The following TRRAP variants were observed in gnomAD, a reference collection of about 807,000 sequenced individuals.
The protein encoded by TRRAP is transformation/transcription domain-associated protein.
Under a neutral mutation model 438.8 loss-of-function variants are expected in TRRAP, and 41 were observed. That is an observed-to-expected ratio of 0.09 (90% CI 0.07 to 0.12). The LOEUF is 0.12. Ranked by LOEUF, TRRAP falls within the 10% of genes least tolerant of loss-of-function variation. The pLI, the probability that TRRAP is intolerant of heterozygous loss-of-function variation, is 1.00. For missense variants in TRRAP, 3,122 were observed against 5,055.1 expected, an observed-to-expected ratio of 0.62 and a Z score of 11.60; for synonymous variants, 1,994 against 1,962.9, an observed-to-expected ratio of 1.02 and a Z score of -0.42.
At chr7:98,907,378 T>G (rs1380259657) in intron 13 of TRRAP, among the ~76,000 whole-genome samples, 1 of 152,222 alleles carries the variant, frequency 6.6e-6, no homozygotes, top group Non-Finnish European at 1.5e-5. Flanking sequence ...AAATTAACAT[T>G]TAATCATCTT....
chr7:98,962,293 C>A lies in TRRAP; in HGVS notation c.6704-9C>A. On this transcript the variant is annotated splice_polypyrimidine_tract_variant and intron_variant, in intron 46 of 72. Transcript: ENST00000456197. ...TAACCACAGTGCCTGGGTCCCTGCC[C>A]TGTTGTAGGTACTTCCAGTGTGGCC... The A allele has an allele frequency of 6.2e-7, 1 of 1,614,104 alleles. No homozygotes were observed. Among genetic ancestry groups the A allele is most frequent in the South Asian group, 1.1e-5 (1 of 91,078 alleles).
Position 98,908,684 on chromosome 7 carries a change from A to G in TRRAP, c.1116-44A>G. 6.6e-7 allele frequency: 1 copy of G among 1,516,926 alleles called. No homozygotes were observed. Among genetic ancestry groups the G allele is most frequent in the Non-Finnish European group, 8.9e-7 (1 of 1,127,708 alleles). 94.0% of individuals were successfully genotyped at this position (1,516,926 alleles called of 1,614,324 possible). A position where few individuals can be genotyped will look rare whatever the true frequency, so the allele number is the denominator to read the frequency against. On this transcript the variant is annotated intron_variant, in intron 13 of 72. Transcript: ENST00000456197. The surrounding 1 kb of genome is among the most constrained non-coding windows in gnomAD (Gnocchi z 4.1). ...TCCTTGGTGGCCTGCTGCAGCAGGC[A>G]TGGCCACGTGGGAATGAGCACTAGT...
At chr7:98,944,854 G>C (rs782695247) in intron 31 of TRRAP, among the ~76,000 whole-genome samples, 3 of 151,974 alleles carry the variant, frequency 2.0e-5, no homozygotes, top group Non-Finnish European at 4.4e-5. Context: ...ACCCAGCCTG[G>C]AGTGCAATAG....
At chr7:98,945,598 G>C (rs1791015824) in intron 31 of TRRAP, 149 bp from the exon 32 acceptor site, 2 of 839,110 alleles carry the variant, frequency 2.4e-6, no homozygotes, top group Non-Finnish European at 3.5e-6. Context: ...TTTTGCTGTT[G>C]AGCATTTGTT....
chr7:98,930,386 G>A (rs782216837), intron 24 of TRRAP, among the ~76,000 whole-genome samples, 180 bp downstream of exon 24: 3 of 152,136 alleles, frequency 2.0e-5, no homozygotes, highest in Non-Finnish European at 2.9e-5. Context: ...AGACCAGCCT[G>A]ACCAACATGG....
intron 67 of TRRAP, among the ~76,000 whole-genome samples, chr7:99,003,073 C>T (rs1794007334): frequency 6.6e-6 from 1 of 152,184 alleles, no homozygotes; most frequent in Admixed American, 6.5e-5. Flanking sequence ...AGGACGCCAG[C>T]CCTGGGGACG....
chr7:98,901,795 C>T (rs905126604), intron 11 of TRRAP, among the ~76,000 whole-genome samples: 1 of 152,180 alleles, frequency 6.6e-6, no homozygotes, highest in African/African-American at 2.4e-5. Context: ...GTGATCTGCC[C>T]ACCTCAGCCT....
chr7:98,918,750 T>G (rs1554409969), intron 20 of TRRAP, among the ~76,000 whole-genome samples: 1 of 152,112 alleles, frequency 6.6e-6, no homozygotes, highest in Non-Finnish European at 1.5e-5. Context: ...CACTTGTATA[T>G]TTGTTTATTA....
chr7:98,937,332 G>A lies in TRRAP; in HGVS notation c.4233+55G>A, dbSNP rs1006547192. The A allele has an allele frequency of 8.4e-5, 132 of 1,571,346 alleles. 1 individual carries two copies. Among genetic ancestry groups the A allele is most frequent in the South Asian group, 5.1e-4 (43 of 84,166 alleles). On this transcript the variant is annotated intron_variant, in intron 29 of 72. Coordinates refer to ENST00000456197, the MANE Select transcript of TRRAP (RefSeq NM_001375524.1). Reference sequence around the variant, plus strand: ...CGCGTGTGTGCACACACATGTGTGTGTACTCTGCATTAAGAGTTCTTCCTG... The same window carrying A: ...CGCGTGTGTGCACACACATGTGTGTATACTCTGCATTAAGAGTTCTTCCTG...
rs1795410083 is a variant in TRRAP, at chr7:98,881,161, T to C, written c.11T>C (p.Val4Ala). 1 of 1,605,828 alleles carries C rather than the reference T, an allele frequency of 6.2e-7. No individual in the cohort carries two copies. Among genetic ancestry groups the C allele is most frequent in the Non-Finnish European group, 8.5e-7 (1 of 1,176,108 alleles). MAF[V>A]ATQGATVVDQ... Reference sequence around the variant, plus strand: ...CAGCCCAAAAGAAAAATGGCGTTTGTTGCAACACAGGGGGCCACGGTGGTT... The same window carrying C: ...CAGCCCAAAAGAAAAATGGCGTTTGCTGCAACACAGGGGGCCACGGTGGTT... Residue 4 changes from valine to alanine, a missense_variant, in exon 2 of 73, where the codon GTT (valine) becomes GCT (alanine). Coordinates refer to ENST00000456197, the MANE Select transcript of TRRAP (RefSeq NM_001375524.1).
intron 53 of TRRAP, among the ~76,000 whole-genome samples, chr7:98,973,712 G>A (rs1584380147): frequency 1.3e-5 from 2 of 152,168 alleles, no homozygotes. Context: ...TAAGAGGATT[G>A]CTCAGGCCGG....
intron 30 of TRRAP, among the ~76,000 whole-genome samples, chr7:98,939,569 G>A (rs1218184581): frequency 6.6e-6 from 1 of 152,154 alleles, no homozygotes; most frequent in East Asian, 1.9e-4. Flanking sequence ...CCAAATTGGG[G>A]ACTTTCACCT....
At position 98,956,618 on chromosome 7, in the gene TRRAP, G is replaced by A. The variant is rs1386875887; in HGVS notation, c.6231+85G>A. 5 of 1,528,982 alleles carry A rather than the reference G, an allele frequency of 3.3e-6. No homozygotes were observed. Among genetic ancestry groups the A allele is most frequent in the Admixed American group, 2.1e-5 (1 of 47,970 alleles). The allele number at this position is 1,528,982 out of a possible 1,614,324, so 94.7% of individuals were successfully genotyped here. On this transcript the variant is annotated intron_variant, in intron 43 of 72. Transcript: ENST00000456197. The surrounding 1 kb of genome is among the most constrained non-coding windows in gnomAD (Gnocchi z 4.5). ...TCCCTATATTTAGAATGTGAGCTCG[G>A]TGCTCAGCTGCATTCAGGAGAGGAA... is the stretch of plus-strand genomic sequence containing the variant.
chr7:98,946,567 A>C (rs1554416910), intron 33 of TRRAP, among the ~76,000 whole-genome samples: 1 of 145,936 alleles, frequency 6.9e-6, no homozygotes, highest in Non-Finnish European at 1.5e-5. Context: ...ATGCACACAC[A>C]CCACACGCGC....
In TRRAP at chr7:98,895,744, A is replaced by G. The variant is rs782713597; in HGVS notation, c.451-20A>G. 3.8e-6 allele frequency: 6 copies of G among 1,589,660 alleles called. No homozygotes were observed. Among genetic ancestry groups the G allele is most frequent in the South Asian group, 2.3e-5 (2 of 85,844 alleles). ...TGTTTATGAATATCTTCCTATAACG[A>G]AAGTGTCTGCTTTTTTTAGATTCAT... On this transcript the variant is annotated intron_variant, in intron 6 of 72. Coordinates refer to ENST00000456197, the MANE Select transcript of TRRAP (RefSeq NM_001375524.1).
chr7:98,916,936 C>A (rs1180578093), intron 19 of TRRAP, among the ~76,000 whole-genome samples: 2 of 152,160 alleles, frequency 1.3e-5, no homozygotes, highest in African/African-American at 4.8e-5. Context: ...CTGCCACACG[C>A]CTTTCTCTTT....
At chr7:98,969,778 A>G (rs2116702626) in intron 51 of TRRAP, among the ~76,000 whole-genome samples, 1 of 152,222 alleles carries the variant, frequency 6.6e-6, no homozygotes. Context: ...CACTGTGTGG[A>G]AAGAGATGGG....
At chr7:98,996,057 C>A (rs188445586) in intron 67 of TRRAP, among the ~76,000 whole-genome samples, 1 of 150,370 alleles carries the variant, frequency 6.7e-6, no homozygotes, top group Non-Finnish European at 1.5e-5. Flanking sequence ...AGTCCACACA[C>A]CCCATCCACT....
At chr7:98,993,114 G>A (rs1015065449) in intron 65 of TRRAP, among the ~76,000 whole-genome samples, 9 of 152,174 alleles carry the variant, frequency 5.9e-5, no homozygotes, top group African/African-American at 1.9e-4. Context: ...GATTCTCTGA[G>A]TTTATAGTAG....
Sources: allele counts gnomAD v4.1 joint callset (sites outside exome capture counted in the v4.1 genomes callset), GRCh38; gene constraint gnomAD v4.1.1; non-coding constraint Gnocchi (gnomAD v3.1); transcripts MANE v1.5; gene names NCBI Gene and HGNC (gene_info 2026-07-23, HGNC 2026-07-21).